Variants in TTC28 observed in about 807,000 individuals in gnomAD.
TTC28 encodes the protein tetratricopeptide repeat domain 28.
Under a neutral mutation model 198.0 loss-of-function variants are expected in TTC28, and 61 were observed. That is an observed-to-expected ratio of 0.31 (90% CI 0.25 to 0.38). The LOEUF is 0.38. Among genes scored for constraint, TTC28 ranks in the 10% least tolerant of loss-of-function variants. The pLI is 1.00. For missense variants in TTC28, 2,678 were observed against 3,164.0 expected, an observed-to-expected ratio of 0.85 and a Z score of 3.69; for synonymous variants, 1,171 against 1,297.8, an observed-to-expected ratio of 0.90 and a Z score of 2.10.
intron 2 of TTC28, among the ~76,000 whole-genome samples, chr22:28,310,936 C>T (rs1160677768): frequency 6.6e-6 from 1 of 151,994 alleles, no homozygotes; most frequent in East Asian, 1.9e-4. Flanking sequence ...CGCACCACCA[C>T]TCCCAGCTAA....
In TTC28 at chr22:27,996,226, T is replaced by C; in HGVS notation, c.5153A>G (p.Asn1718Ser). The stretch of plus-strand genomic sequence containing the variant: ...CTGGCCGATGAGTGATGAGGGGCTG[T>C]TCAGCTTAACGTCACTCCCGATGAG... ...FMLIGSDVKL[N>S]SPSSLIGQAL... is the part of the protein sequence containing the mutation. The change falls in exon 17 of 23, where the codon AAC (asparagine) becomes AGC (serine). Residue 1718 changes from asparagine (N) to serine (S), a missense_variant. By Grantham distance (46) the Asn-to-Ser change is conservative (BLOSUM62 1). Around this residue, in one of 8 missense-constraint regions of TTC28, gnomAD observed 314 missense variants for 442.7 expected, o/e 0.71. Transcript: ENST00000397906. 6.4e-7 allele frequency: 1 copy of C among 1,551,194 alleles called. No homozygotes were observed. The highest frequency in any genetic ancestry group is 8.7e-7 in the Non-Finnish European group (1 of 1,146,990).
At chr22:28,515,946 A>T (rs1355410001) in intron 2 of TTC28, among the ~76,000 whole-genome samples, 2 of 152,146 alleles carry the variant, frequency 1.3e-5, no homozygotes, top group Non-Finnish European at 2.9e-5. Context: ...GAAGTTCAAG[A>T]CCAGCCTGGC....
chr22:28,537,404 A>G (rs967216982), intron 2 of TTC28, among the ~76,000 whole-genome samples: 11 of 152,088 alleles, frequency 7.2e-5, no homozygotes, highest in Non-Finnish European at 1.3e-4. Context: ...AAGACATATG[A>G]GAATTTAGAA....
intron 2 of TTC28, among the ~76,000 whole-genome samples, chr22:28,592,438 G>A (rs1203269688): frequency 6.6e-6 from 1 of 151,618 alleles, no homozygotes; most frequent in Non-Finnish European, 1.5e-5. Flanking sequence ...ATCACTTGAG[G>A]CCAGTAGTTC....
intron 12 of TTC28, among the ~76,000 whole-genome samples, chr22:28,076,815 G>A (rs1941184378): frequency 6.6e-6 from 1 of 152,096 alleles, no homozygotes; most frequent in Non-Finnish European, 1.5e-5. Flanking sequence ...ACAAAAGCCA[G>A]GATCTTGAGA....
intron 5 of TTC28, among the ~76,000 whole-genome samples, chr22:28,194,799 C>A: frequency 8.4e-6 from 1 of 119,166 alleles, no homozygotes; most frequent in Non-Finnish European, 1.7e-5. Context: ...AATTAATAGC[C>A]TACCAATCAA....
At chr22:28,148,689 C>CTTTAAA (rs1943536147) in intron 6 of TTC28, among the ~76,000 whole-genome samples, 1 of 151,290 alleles carries the variant, frequency 6.6e-6, no homozygotes, top group Non-Finnish European at 1.5e-5. Context: ...AGAATTTCAG[C>CTTTAAA]TTTCTAGAGT....
At chr22:28,083,131 G>T (rs557681033) in intron 12 of TTC28, among the ~76,000 whole-genome samples, 32 of 150,992 alleles carry the variant, frequency 2.1e-4, no homozygotes, top group African/African-American at 6.8e-4. Context: ...CCTGGATAAA[G>T]ATTAAAGTAG....
chr22:28,477,872 CAT>C (rs1440348608), intron 2 of TTC28, among the ~76,000 whole-genome samples: 1 of 152,182 alleles, frequency 6.6e-6, no homozygotes, highest in Non-Finnish European at 1.5e-5. Flanking sequence ...AAGGAAAAGA[CAT>C]GTGGGACAAA....
intron 2 of TTC28, among the ~76,000 whole-genome samples, chr22:28,540,425 A>G (rs1230899497): frequency 6.6e-6 from 1 of 152,260 alleles, no homozygotes; most frequent in East Asian, 1.9e-4. Context: ...TTTAAAATCT[A>G]TATATTCAGT....
At chr22:28,420,565 CAA>C (rs4035770) in intron 2 of TTC28, among the ~76,000 whole-genome samples, 15,638 of 97,932 alleles carry the variant, frequency 0.16, 927 homozygotes, top group Non-Finnish European at 0.19. Flanking sequence ...CTAAAAAATG[CAA>C]AAAAAAAAAA....
intron 13 of TTC28, among the ~76,000 whole-genome samples, chr22:28,029,758 A>T (rs776745434): frequency 1.3e-5 from 2 of 152,202 alleles, no homozygotes; most frequent in African/African-American, 2.4e-5. Flanking sequence ...GGTCTGGATG[A>T]GTGCATTCCT....
At chr22:28,548,296 A>G (rs2049586702) in intron 2 of TTC28, among the ~76,000 whole-genome samples, 1 of 152,220 alleles carries the variant, frequency 6.6e-6, no homozygotes, top group African/African-American at 2.4e-5. Flanking sequence ...TTTAACCATG[A>G]GCAAAGAAAT....
chr22:28,620,942 T>G (rs565193019), intron 2 of TTC28, among the ~76,000 whole-genome samples: 1 of 152,330 alleles, frequency 6.6e-6, no homozygotes, highest in East Asian at 1.9e-4. Context: ...AAGTCCTGAT[T>G]TGGCTCCTTC....
intron 2 of TTC28, among the ~76,000 whole-genome samples, chr22:28,591,475 T>C (rs753763308): frequency 6.6e-6 from 1 of 152,162 alleles, no homozygotes; most frequent in Non-Finnish European, 1.5e-5. Flanking sequence ...TTTGTAAATA[T>C]GGTAACTGAA....
chr22:28,545,406 CA>C (rs967048278), intron 2 of TTC28, among the ~76,000 whole-genome samples: 1 of 151,306 alleles, frequency 6.6e-6, no homozygotes, highest in Non-Finnish European at 1.5e-5. Flanking sequence ...CCTGTCTCTA[CA>C]AAAAAAATTA....
At chr22:28,222,127 T>A (rs1426168797) in intron 5 of TTC28, among the ~76,000 whole-genome samples, 2 of 152,232 alleles carry the variant, frequency 1.3e-5, no homozygotes, top group African/African-American at 4.8e-5. Context: ...TGGGTTCACC[T>A]AGCTGCTGCT....
intron 2 of TTC28, among the ~76,000 whole-genome samples, chr22:28,477,531 G>A (rs950652447): frequency 3.3e-5 from 5 of 152,118 alleles, no homozygotes; most frequent in African/African-American, 7.2e-5. Context: ...ACATGAGGGC[G>A]GAATCTAGAG....
chr22:28,113,995 T>C (rs376797212), intron 6 of TTC28, among the ~76,000 whole-genome samples: 3 of 152,330 alleles, frequency 2.0e-5, no homozygotes, highest in African/African-American at 7.2e-5. Flanking sequence ...AGAAATTGGG[T>C]TGGTCAACAG....
Sources: allele counts gnomAD v4.1 joint callset (sites outside exome capture counted in the v4.1 genomes callset), GRCh38; gene constraint gnomAD v4.1.1; regional missense constraint gnomAD v4.1.1; transcripts MANE v1.5; gene names NCBI Gene and HGNC (gene_info 2026-07-23, HGNC 2026-07-21).